PRDM5: variants seen among roughly 807,000 people sequenced by gnomAD.
The protein encoded by PRDM5 is PR/SET domain 5.
PRDM5 carries 56 observed loss-of-function variants against 81.2 expected under a neutral mutation model. The observed-to-expected ratio is 0.69, with a 90% CI of 0.56 to 0.86. PRDM5 has a LOEUF of 0.86. Ranked by LOEUF, PRDM5 falls within the 40% of genes least tolerant of loss-of-function variation. The pLI, the probability that PRDM5 is intolerant of heterozygous loss-of-function variation, is 0.00. For missense variants in PRDM5, 697 were observed against 770.1 expected, an observed-to-expected ratio of 0.91 and a Z score of 1.12; for synonymous variants, 267 against 256.4, an observed-to-expected ratio of 1.04 and a Z score of -0.39.
intron 14 of PRDM5, among the ~76,000 whole-genome samples, chr4:120,744,959 C>T (rs1200911273): frequency 1.4e-5 from 2 of 141,144 alleles, no homozygotes; most frequent in East Asian, 4.1e-4. Context: ...GATACCAAAG[C>T]CAGGCAGAGA....
intron 12 of PRDM5, among the ~76,000 whole-genome samples, chr4:120,778,624 T>A (rs1748537971): frequency 6.6e-6 from 1 of 152,170 alleles, no homozygotes; most frequent in Non-Finnish European, 1.5e-5. Flanking sequence ...CCTTAGTCAG[T>A]ATCAGTGTCT....
intron 1 of PRDM5, among the ~76,000 whole-genome samples, chr4:120,914,270 G>T (rs948954667): frequency 1.3e-5 from 2 of 149,356 alleles, no homozygotes; most frequent in Non-Finnish European, 3.0e-5. Context: ...GAAAGAAAGA[G>T]ATAAGAATCA....
intron 10 of PRDM5, among the ~76,000 whole-genome samples, chr4:120,790,580 A>G (rs1315071382): frequency 6.6e-6 from 1 of 152,224 alleles, no homozygotes; most frequent in Non-Finnish European, 1.5e-5. Context: ...AAATACGTAA[A>G]GATTCCTAAA....
At chr4:120,914,676 T>C (rs974479275) in intron 1 of PRDM5, among the ~76,000 whole-genome samples, 2 of 152,196 alleles carry the variant, frequency 1.3e-5, no homozygotes, top group African/African-American at 4.8e-5. Context: ...TTGTATCAAC[T>C]GCATTGTATC....
intron 14 of PRDM5, among the ~76,000 whole-genome samples, chr4:120,713,291 AT>A (rs1737269574): frequency 6.6e-6 from 1 of 152,132 alleles, no homozygotes; most frequent in Non-Finnish European, 1.5e-5. Flanking sequence ...TGCTATACTC[AT>A]CTTTTTGCTT....
intron 1 of PRDM5, among the ~76,000 whole-genome samples, chr4:120,921,065 G>C (rs1579252309): frequency 1.3e-5 from 2 of 152,176 alleles, no homozygotes; most frequent in East Asian, 3.8e-4. Flanking sequence ...AATCTTTGCA[G>C]AGTTGTTTAC....
At chr4:120,821,069 G>C (rs546324313) in intron 4 of PRDM5, 102 bp downstream of exon 4, 4 of 1,304,752 alleles carry the variant, frequency 3.1e-6, no homozygotes, top group Admixed American at 3.4e-5. Flanking sequence ...AACTTTATTT[G>C]AGAATGCCAT....
intron 15 of PRDM5, among the ~76,000 whole-genome samples, chr4:120,697,971 A>AG (rs1734769365): frequency 6.6e-6 from 1 of 151,836 alleles, no homozygotes; most frequent in African/African-American, 2.4e-5. Flanking sequence ...AATAAAAAAA[A>AG]AGAAAATGTC....
intron 15 of PRDM5, among the ~76,000 whole-genome samples, chr4:120,703,338 G>T (rs757027740): frequency 1.3e-5 from 2 of 151,878 alleles, no homozygotes; most frequent in African/African-American, 4.8e-5. Context: ...AGTGTGTGCC[G>T]CCATGCCAGC....
At chr4:120,695,656 G>A (rs1578561423) in intron 15 of PRDM5, among the ~76,000 whole-genome samples, 1 of 152,094 alleles carries the variant, frequency 6.6e-6, no homozygotes, top group Non-Finnish European at 1.5e-5. Flanking sequence ...AGTATCATAA[G>A]CAGAAATTTA....
At chr4:120,734,853 G>A (rs982932739) in intron 14 of PRDM5, among the ~76,000 whole-genome samples, 1 of 152,050 alleles carries the variant, frequency 6.6e-6, no homozygotes. Flanking sequence ...ATCTTCCTAT[G>A]TGCACATACA....
intron 3 of PRDM5, among the ~76,000 whole-genome samples, chr4:120,833,343 C>A (rs1334709474): frequency 6.6e-6 from 1 of 152,036 alleles, no homozygotes; most frequent in Non-Finnish European, 1.5e-5. Context: ...CACTTGGTAG[C>A]CTTCTCGGTT....
intron 13 of PRDM5, among the ~76,000 whole-genome samples, chr4:120,774,902 A>ATATATGTATATGTATATGTATATG (rs774292900): frequency 6.8e-6 from 1 of 146,052 alleles, no homozygotes; most frequent in African/African-American, 2.5e-5. Context: ...ATATATATAT[A>ATATATGTATATGTATATGTATATG]TATATGTATA....
chr4:120,685,772 A>T (rs1733809334), intron 1 of PRDM5, among the ~76,000 whole-genome samples: 1 of 152,136 alleles, frequency 6.6e-6, no homozygotes, highest in Admixed American at 6.6e-5. Context: ...TAAGTAAATG[A>T]TGTTACAGAT....
intron 15 of PRDM5, among the ~76,000 whole-genome samples, chr4:120,705,808 C>G (rs768911787): frequency 6.6e-5 from 10 of 152,066 alleles, no homozygotes; most frequent in Non-Finnish European, 1.2e-4. Context: ...GGAGAGAGAG[C>G]AGTTAAAAAG....
chr4:120,753,885 C>T (rs921766585), intron 14 of PRDM5, among the ~76,000 whole-genome samples: 1 of 152,112 alleles, frequency 6.6e-6, no homozygotes, highest in Non-Finnish European at 1.5e-5. Context: ...GTGCTTAAAT[C>T]GAATAGTGAG....
chr4:120,705,158 A>T (rs1245195969), intron 15 of PRDM5, among the ~76,000 whole-genome samples: 2 of 152,306 alleles, frequency 1.3e-5, no homozygotes, highest in Middle Eastern at 3.4e-3. Context: ...CAGACCAGAA[A>T]TGATTTAAAC....
At position 120,922,700 on chromosome 4, in the gene PRDM5, G is replaced by T; in HGVS notation, c.-92C>A. ...GAAATTTGGGGTGCCAGGGTAGAGGGGAGAAACCGGCAGGGAAGGAGGAAA... is the reference window on the plus strand; with the variant it reads ...GAAATTTGGGGTGCCAGGGTAGAGGTGAGAAACCGGCAGGGAAGGAGGAAA... On this transcript the variant is annotated 5_prime_UTR_variant, in exon 1 of 16. Transcript: ENST00000264808. 6.7e-7 allele frequency: 1 copy of T among 1,492,908 alleles called. No homozygotes were observed. The highest frequency in any genetic ancestry group is 9.1e-7 in the Non-Finnish European group (1 of 1,098,014). The allele number at this position is 1,492,908 out of a possible 1,614,324, so 92.5% of individuals were successfully genotyped here.
chr4:120,909,719 G>A (rs900986340), intron 1 of PRDM5, among the ~76,000 whole-genome samples: 3 of 151,850 alleles, frequency 2.0e-5, no homozygotes, highest in African/African-American at 7.3e-5. Flanking sequence ...GGGGGGTGGG[G>A]GGTGCGGGGG....
Sources: gnomAD v4.1 joint callset for allele counts (sites outside exome capture counted in the v4.1 genomes callset) on GRCh38, gnomAD v4.1.1 for gene constraint, MANE v1.5 for transcripts, NCBI Gene and HGNC (gene_info 2026-07-23, HGNC 2026-07-21) for gene names.